Variants in CA8 observed in about 807,000 individuals in gnomAD.
CA8 encodes carbonic anhydrase-related protein.
A neutral mutation model predicts 41.4 loss-of-function variants in CA8; 22 were observed. The ratio of observed to expected loss-of-function variants is 0.53; its 90% CI spans 0.38 to 0.76. The LOEUF (loss-of-function observed/expected upper bound fraction) is 0.76, where lower values mean the gene tolerates loss of function less well. Among genes scored for constraint, CA8 ranks in the 30% least tolerant of loss-of-function variants. The pLI, the probability that CA8 is intolerant of heterozygous loss-of-function variation, is 0.00. For synonymous variants in CA8, 121 were observed against 130.6 expected, an observed-to-expected ratio of 0.93 and a Z score of 0.50; for missense variants, 270 against 352.8, an observed-to-expected ratio of 0.77 and a Z score of 1.88.
intron 3 of CA8, among the ~76,000 whole-genome samples, chr8:60,247,901 G>C (rs1808306403): frequency 1.3e-5 from 2 of 152,116 alleles, no homozygotes; most frequent in Non-Finnish European, 2.9e-5. Flanking sequence ...TTTCTCCACA[G>C]CCTCGCCAAC....
intron 1 of CA8, 62 bp downstream of exon 1, chr8:60,280,986 G>C: frequency 1.6e-6 from 2 of 1,259,210 alleles, no homozygotes; most frequent in South Asian, 2.4e-5. Context: ...CTCGAGTCCC[G>C]CGCTCGGCGA....
intron 2 of CA8, among the ~76,000 whole-genome samples, chr8:60,276,894 G>A (rs915848775): frequency 6.6e-5 from 10 of 152,032 alleles, no homozygotes; most frequent in South Asian, 2.1e-4. Flanking sequence ...CGAGGTGGGC[G>A]GATCACCTGA....
At chr8:60,224,087 C>T (rs572894256) in intron 6 of CA8, among the ~76,000 whole-genome samples, 2 of 152,160 alleles carry the variant, frequency 1.3e-5, no homozygotes, top group African/African-American at 4.8e-5. Context: ...TTTGTTTGTT[C>T]GTTTGTTTGT....
chr8:60,281,123 C>G lies in CA8; in HGVS notation c.25G>C (p.Asp9His). Residue 9 changes from aspartate to histidine, a missense_variant, in exon 1 of 9, where the codon GAT becomes CAT. Physicochemically the swap from Asp to His is moderately conservative, Grantham distance 81. Coordinates refer to ENST00000317995, the MANE Select transcript of CA8 (RefSeq NM_004056.6). MADLSFIE[D>H]TVAFPEKEED... ...TCCTTCTCGGGGAAGGCGACGGTAT[C>G]TTCGATGAAGCTCAGGTCCGCCATG... The G allele has an allele frequency of 6.3e-7, 1 of 1,589,222 alleles. No homozygotes were observed. The highest frequency in any genetic ancestry group is 8.6e-7 in the Non-Finnish European group (1 of 1,169,330).
At chr8:60,196,080 T>C (rs1806271828) in intron 8 of CA8, among the ~76,000 whole-genome samples, 1 of 152,170 alleles carries the variant, frequency 6.6e-6, no homozygotes, top group African/African-American at 2.4e-5. Context: ...AAAACTGTCA[T>C]GATCGTTGGG....
Position 60,281,243 on chromosome 8 carries a change from T to C in CA8, c.-96A>G, listed in dbSNP as rs1274708066. 4.9e-6 allele frequency: 4 copies of C among 824,716 alleles called. No individual in the cohort carries two copies. The highest frequency in any genetic ancestry group is 4.4e-5 in the South Asian group (3 of 67,524). The allele number at this position is 824,716 out of a possible 1,614,324, so 51.1% of individuals were successfully genotyped here. On this transcript the variant is annotated 5_prime_UTR_variant, in exon 1 of 9. Transcript: ENST00000317995. Reference sequence around the variant, plus strand: ...CCGGAGCGGAGCGCGCGTGGGGGAGTGTGAGCACGCGTGAGCGGCAGTGTG... The same window carrying C: ...CCGGAGCGGAGCGCGCGTGGGGGAGCGTGAGCACGCGTGAGCGGCAGTGTG...
At chr8:60,196,198 TC>T (rs968796430) in intron 8 of CA8, among the ~76,000 whole-genome samples, 1 of 152,156 alleles carries the variant, frequency 6.6e-6, no homozygotes, top group African/African-American at 2.4e-5. Context: ...CATTGTTTTT[TC>T]AATAAAAAAA....
rs1004543735 is a variant in CA8, at chr8:60,185,729, G to A, written c.*4292C>T. Among the ~76,000 whole-genome samples, 3 of 151,814 alleles carry A rather than the reference G, an allele frequency of 2.0e-5. No individual in the cohort carries two copies. Among genetic ancestry groups the A allele is most frequent in the African/African-American group, 7.3e-5 (3 of 41,336 alleles). On this transcript the variant is annotated 3_prime_UTR_variant, in exon 9 of 9. Coordinates refer to ENST00000317995, the MANE Select transcript of CA8 (RefSeq NM_004056.6). ...ACTATCTCAAAGAAGGTAAAATAAA[G>A]ATAGCCCATATAAACAAAAACTAAA...
intron 7 of CA8, among the ~76,000 whole-genome samples, chr8:60,218,937 G>C (rs1807129147): frequency 6.6e-6 from 1 of 151,778 alleles, no homozygotes; most frequent in African/African-American, 2.4e-5. Flanking sequence ...CTCTGCTTCA[G>C]AAATACAAAG....
intron 2 of CA8, among the ~76,000 whole-genome samples, chr8:60,277,901 AG>A (rs1205560703): frequency 6.6e-6 from 1 of 152,190 alleles, no homozygotes; most frequent in Non-Finnish European, 1.5e-5. Context: ...AATCTGAAGG[AG>A]GAAGGTCTCC....
At chr8:60,202,456 G>C (rs1806461951) in intron 8 of CA8, among the ~76,000 whole-genome samples, 1 of 152,014 alleles carries the variant, frequency 6.6e-6, no homozygotes, top group Non-Finnish European at 1.5e-5. Flanking sequence ...CATAGTTCTT[G>C]GCACTCTATG....
chr8:60,273,108 A>G lies in CA8; in HGVS notation c.292+6581T>C, dbSNP rs932860684. On this transcript the variant is annotated intron_variant, in intron 2 of 8. Transcript: ENST00000317995. ...CTGGGTCTAAAAGACAAGTGAGTCT[A>G]TAATTCCCATAGTAAATTATCAATA... Among the ~76,000 whole-genome samples, 5 of 152,360 alleles carry G rather than the reference A, an allele frequency of 3.3e-5. No individual in the cohort carries two copies. In the South Asian group the frequency reaches 8.3e-4, roughly 25 times the overall value.
chr8:60,207,102 G>T (rs184755902), intron 8 of CA8, among the ~76,000 whole-genome samples: 1 of 151,984 alleles, frequency 6.6e-6, no homozygotes, highest in Non-Finnish European at 1.5e-5. Flanking sequence ...TGTGTCACTC[G>T]ACCGCCAGTG....
intron 7 of CA8, among the ~76,000 whole-genome samples, chr8:60,209,972 T>A (rs766537766): frequency 5.3e-5 from 8 of 152,182 alleles, no homozygotes; most frequent in Non-Finnish European, 1.2e-4. Context: ...TGATGAGCAT[T>A]CCCCAGGATT....
chr8:60,222,828 C>A, intron 6 of CA8, 67 bp from the exon 7 acceptor site: 1 of 934,502 alleles, frequency 1.1e-6, no homozygotes, highest in Non-Finnish European at 1.8e-6. Context: ...ATGACTCCAA[C>A]AACAATTTTC....
intron 3 of CA8, among the ~76,000 whole-genome samples, chr8:60,239,518 T>C (rs1807943755): frequency 6.6e-6 from 1 of 152,214 alleles, no homozygotes. Context: ...GAAAATCTCA[T>C]AATGTTTTAA....
chr8:60,201,771 G>T (rs1806436338), intron 8 of CA8, among the ~76,000 whole-genome samples: 1 of 138,860 alleles, frequency 7.2e-6, no homozygotes, highest in African/African-American at 2.7e-5. Flanking sequence ...ATATTTATTT[G>T]TAAGGTACTA....
chr8:60,240,483 T>C (rs918409791), intron 3 of CA8, among the ~76,000 whole-genome samples: 1 of 152,232 alleles, frequency 6.6e-6, no homozygotes, highest in Non-Finnish European at 1.5e-5. Context: ...ATTTTCTTAA[T>C]GGTTAAAAGT....
intron 7 of CA8, 24 bp from the exon 8 acceptor site, chr8:60,208,943 T>C (rs771299630): frequency 6.2e-7 from 1 of 1,612,408 alleles, no homozygotes. Context: ...CAGAAGAAAA[T>C]AGATTAATCA....
Sources: allele counts gnomAD v4.1 joint callset (sites outside exome capture counted in the v4.1 genomes callset), GRCh38; gene constraint gnomAD v4.1.1; transcripts MANE v1.5; gene names NCBI Gene and HGNC (gene_info 2026-07-23, HGNC 2026-07-21).